The following PLCB4 variants were observed in gnomAD, a reference collection of about 807,000 sequenced individuals.
PLCB4 encodes 1-phosphatidylinositol 4,5-bisphosphate phosphodiesterase beta-4.
PLCB4 carries 77 observed loss-of-function variants against 178.8 expected under a neutral mutation model. That is an observed-to-expected ratio of 0.43 (90% CI 0.36 to 0.52). The LOEUF is 0.52. Ranked by LOEUF, PLCB4 falls within the 20% of genes least tolerant of loss-of-function variation. The pLI is 0.00. For missense variants in PLCB4, 1,024 were observed against 1,453.4 expected (o/e 0.70, Z 4.80); for synonymous variants, 496 against 490.8 (o/e 1.01, Z -0.14).
intron 32 of PLCB4, among the ~76,000 whole-genome samples, chr20:9,447,871 C>G (rs1883491): frequency 0.61 from 92,104 of 151,974 alleles, 30,324 homozygotes; most frequent in African/African-American, 0.87. Flanking sequence ...TATGGTCTCA[C>G]TAACAGGTTT....
At chr20:9,180,402 A>G (rs1430144045) in intron 2 of PLCB4, among the ~76,000 whole-genome samples, 1 of 152,204 alleles carries the variant, frequency 6.6e-6, no homozygotes, top group Non-Finnish European at 1.5e-5. Context: ...TTTCCATTAT[A>G]AAGCTGGTGC....
At chr20:9,098,719 G>A (rs574459628) in intron 2 of PLCB4, among the ~76,000 whole-genome samples, 7 of 135,296 alleles carry the variant, frequency 5.2e-5, no homozygotes, top group East Asian at 2.2e-4. Flanking sequence ...ATATATACGT[G>A]TGTGTGTATA....
chr20:9,129,977 G>C (rs1409718007), intron 2 of PLCB4, among the ~76,000 whole-genome samples: 1 of 151,992 alleles, frequency 6.6e-6, no homozygotes, highest in Non-Finnish European at 1.5e-5. Context: ...TCTCTTGGTT[G>C]TATCTAGTTT....
chr20:9,130,694 T>C (rs558455977), intron 2 of PLCB4, among the ~76,000 whole-genome samples: 1 of 152,256 alleles, frequency 6.6e-6, no homozygotes, highest in East Asian at 1.9e-4. Flanking sequence ...ATACTGGAGG[T>C]TGGAAATCCT....
At chr20:9,300,590 G>T (rs2094690893) in intron 3 of PLCB4, among the ~76,000 whole-genome samples, 1 of 152,118 alleles carries the variant, frequency 6.6e-6, no homozygotes, top group Non-Finnish European at 1.5e-5. Flanking sequence ...TTGGAACCTG[G>T]GGAAGAGTAT....
intron 1 of PLCB4, among the ~76,000 whole-genome samples, chr20:9,092,150 G>A (rs2090711959): frequency 6.6e-6 from 1 of 152,090 alleles, no homozygotes; most frequent in Non-Finnish European, 1.5e-5. Flanking sequence ...ATCTAGGCAT[G>A]CCACTAAATA....
chr20:9,272,245 A>C (rs2094411164), intron 3 of PLCB4, among the ~76,000 whole-genome samples: 1 of 152,072 alleles, frequency 6.6e-6, no homozygotes, highest in African/African-American at 2.4e-5. Context: ...AAGGTATAAC[A>C]ATTTCTTAAT....
intron 2 of PLCB4, among the ~76,000 whole-genome samples, chr20:9,114,004 A>C (rs559815827): frequency 6.6e-6 from 1 of 152,214 alleles, no homozygotes; most frequent in South Asian, 2.1e-4. Flanking sequence ...ACTTGAGATC[A>C]GAAGTTTGAG....
At chr20:9,129,833 AC>A (rs1404958305) in intron 2 of PLCB4, among the ~76,000 whole-genome samples, 2 of 152,188 alleles carry the variant, frequency 1.3e-5, no homozygotes, top group Non-Finnish European at 2.9e-5. Flanking sequence ...TAATTACCAT[AC>A]ATGGAGCTGG....
In PLCB4 at chr20:9,472,697, G is replaced by A. The variant is rs542785511; in HGVS notation, c.3351-93G>A. On this transcript the variant is annotated intron_variant, in intron 36 of 39. Coordinates refer to ENST00000378473, the MANE Select transcript of PLCB4 (RefSeq NM_001377142.1). Reference sequence around the variant, plus strand: ...AAAAATAAAGCAATAATTCCATCCAGAGAATTTGATGGAATATAGCTCTTT... The same window carrying A: ...AAAAATAAAGCAATAATTCCATCCAAAGAATTTGATGGAATATAGCTCTTT... 7.1e-5 allele frequency: 45 copies of A among 633,692 alleles called. No homozygotes were observed. The African/African-American group carries it at 8.3e-4, about 12-fold the overall frequency. The allele number at this position is 633,692 out of a possible 1,614,324, so 39.3% of individuals were successfully genotyped here.
At chr20:9,238,533 G>A (rs2094019585) in intron 3 of PLCB4, among the ~76,000 whole-genome samples, 2 of 152,236 alleles carry the variant, frequency 1.3e-5, no homozygotes, top group Non-Finnish European at 2.9e-5. Flanking sequence ...CTGATATCAC[G>A]CTGTCACCAG....
intron 1 of PLCB4, among the ~76,000 whole-genome samples, chr20:9,085,636 G>A (rs2090374067): frequency 6.6e-6 from 1 of 152,132 alleles, no homozygotes; most frequent in East Asian, 1.9e-4. Flanking sequence ...GGCAGCATAA[G>A]TGGGCATTAC....
chr20:9,344,802 T>A (rs1345216698), intron 7 of PLCB4, among the ~76,000 whole-genome samples: 3 of 152,186 alleles, frequency 2.0e-5, no homozygotes, highest in African/African-American at 7.2e-5. Context: ...CCTGGCCTCT[T>A]TCCAGTTTGG....
Position 9,476,679 on chromosome 20 carries a change from A to C in PLCB4, c.3496-38A>C, listed in dbSNP as rs773852538. 3 of 1,456,676 alleles carry C rather than the reference A, an allele frequency of 2.1e-6. No homozygotes were observed. The African/African-American group carries it at 4.2e-5, about 20-fold the overall frequency. 90.2% of individuals were successfully genotyped at this position (1,456,676 alleles called of 1,614,324 possible). On this transcript the variant is annotated intron_variant, in intron 38 of 39. Transcript: ENST00000378473. ...CATTTATTTTCTTCGTTTTGTATGT[A>C]TGACTCAATTTTGACATTACTATTT...
At chr20:9,249,082 T>G (rs1052369059) in intron 3 of PLCB4, among the ~76,000 whole-genome samples, 1 of 152,208 alleles carries the variant, frequency 6.6e-6, no homozygotes, top group African/African-American at 2.4e-5. Context: ...TTTCTTACTC[T>G]TACTCTTCCT....
At chr20:9,423,518 C>G (rs2040792103) in intron 27 of PLCB4, among the ~76,000 whole-genome samples, 1 of 152,210 alleles carries the variant, frequency 6.6e-6, no homozygotes, top group South Asian at 2.1e-4. Context: ...TTCATTTCAT[C>G]TAACATTTTT....
intron 3 of PLCB4, among the ~76,000 whole-genome samples, chr20:9,297,408 T>C (rs1426225941): frequency 6.6e-6 from 1 of 151,910 alleles, no homozygotes; most frequent in East Asian, 1.9e-4. Context: ...GATTACACAT[T>C]GGGTACAATG....
At chr20:9,352,128 A>T (rs2034400526) in intron 7 of PLCB4, among the ~76,000 whole-genome samples, 1 of 152,244 alleles carries the variant, frequency 6.6e-6, no homozygotes, top group Non-Finnish European at 1.5e-5. Flanking sequence ...ATGCCAAATA[A>T]TGTTACATAA....
chr20:9,215,522 C>G (rs2093720526), intron 2 of PLCB4, among the ~76,000 whole-genome samples: 1 of 152,160 alleles, frequency 6.6e-6, no homozygotes, highest in Non-Finnish European at 1.5e-5. Flanking sequence ...AGTAAATAGT[C>G]ACTAAATTAG....
Sources: allele counts gnomAD v4.1 joint callset (sites outside exome capture counted in the v4.1 genomes callset), GRCh38; gene constraint gnomAD v4.1.1; transcripts MANE v1.5; gene names NCBI Gene and HGNC (gene_info 2026-07-23, HGNC 2026-07-21).